SLC24A3: variants seen among roughly 807,000 people sequenced by gnomAD.
SLC24A3 encodes the protein sodium/potassium/calcium exchanger 3.
In SLC24A3, 28 loss-of-function variants were observed where a neutral mutation model predicts 75.8. The ratio of observed to expected loss-of-function variants is 0.37; its 90% CI spans 0.27 to 0.51. The LOEUF (loss-of-function observed/expected upper bound fraction) is 0.51. SLC24A3 is among the 20% of genes least tolerant of loss of function. The pLI, the probability that SLC24A3 is intolerant of heterozygous loss-of-function variation, is 0.94. For synonymous variants in SLC24A3, 372 were observed against 334.1 expected (o/e 1.11, Z -1.24); for missense variants, 663 against 847.8 (o/e 0.78, Z 2.71).
At chr20:19,224,609 G>C (rs1981827246) in intron 1 of SLC24A3, among the ~76,000 whole-genome samples, 1 of 152,112 alleles carries the variant, frequency 6.6e-6, no homozygotes, top group Non-Finnish European at 1.5e-5. Context: ...TAGCTTATTT[G>C]AGTAGTTTGT....
chr20:19,599,824 C>G (rs2031502508), intron 6 of SLC24A3, among the ~76,000 whole-genome samples: 1 of 152,116 alleles, frequency 6.6e-6, no homozygotes, highest in South Asian at 2.1e-4. Context: ...GTTTGTTCAG[C>G]CCATCCTGTT....
At chr20:19,269,842 C>T (rs748371933) in intron 1 of SLC24A3, among the ~76,000 whole-genome samples, 3 of 152,134 alleles carry the variant, frequency 2.0e-5, no homozygotes, top group Non-Finnish European at 4.4e-5. Context: ...ATAGTTGAGA[C>T]CCAGCAGGCT....
chr20:19,408,113 A>G (rs1986681071), intron 2 of SLC24A3, among the ~76,000 whole-genome samples: 2 of 152,316 alleles, frequency 1.3e-5, no homozygotes, highest in African/African-American at 2.4e-5. Flanking sequence ...ATGCCTTTGA[A>G]CTCAGAAACT....
chr20:19,268,153 A>T (rs1475704670), intron 1 of SLC24A3, among the ~76,000 whole-genome samples: 1 of 152,200 alleles, frequency 6.6e-6, no homozygotes, highest in East Asian at 1.9e-4. Flanking sequence ...GTGAGCTAGG[A>T]AGGGCACCAG....
At chr20:19,548,169 G>A (rs1326740647) in intron 3 of SLC24A3, among the ~76,000 whole-genome samples, 3 of 152,144 alleles carry the variant, frequency 2.0e-5, no homozygotes, top group African/African-American at 7.2e-5. Flanking sequence ...CTCTTACTGG[G>A]CCAGCATCTG....
In SLC24A3 at chr20:19,671,292, A is replaced by G. The variant is rs117759310; in HGVS notation, c.714-2309A>G. Among the ~76,000 whole-genome samples, 126 of 152,360 alleles carry G rather than the reference A, an allele frequency of 8.3e-4. 2 individuals are homozygous for G. In the East Asian group the frequency reaches 0.023, roughly 28 times the overall value. On this transcript the variant is annotated intron_variant, in intron 8 of 16. Coordinates refer to ENST00000328041, the MANE Select transcript of SLC24A3 (RefSeq NM_020689.4). ...GAAAGGCCATTGAGGTGGGGCACAG[A>G]TAGGACACAAGACAACATGGAGACA...
chr20:19,228,065 G>A (rs1398804144), intron 1 of SLC24A3, among the ~76,000 whole-genome samples: 1 of 151,994 alleles, frequency 6.6e-6, no homozygotes, highest in Non-Finnish European at 1.5e-5. Flanking sequence ...AGGTTACTCT[G>A]GTATTTATTA....
intron 1 of SLC24A3, among the ~76,000 whole-genome samples, chr20:19,256,338 A>G (rs1982813611): frequency 6.6e-6 from 1 of 152,194 alleles, no homozygotes; most frequent in South Asian, 2.1e-4. Flanking sequence ...CAAGAGGGTA[A>G]CAGGGAGTGG....
chr20:19,662,621 C>A (rs1052745775), intron 7 of SLC24A3, among the ~76,000 whole-genome samples: 1 of 152,220 alleles, frequency 6.6e-6, no homozygotes, highest in Non-Finnish European at 1.5e-5. Context: ...GCAACTTGTT[C>A]TAGTCTAGAA....
chr20:19,712,517 A>G (rs2033002769), intron 15 of SLC24A3, among the ~76,000 whole-genome samples: 1 of 152,088 alleles, frequency 6.6e-6, no homozygotes, highest in African/African-American at 2.4e-5. Context: ...CCACCTAGCT[A>G]GACCGAAAGT....
At chr20:19,588,385 T>C (rs1314872373) in intron 6 of SLC24A3, among the ~76,000 whole-genome samples, 1 of 152,158 alleles carries the variant, frequency 6.6e-6, no homozygotes, top group African/African-American at 2.4e-5. Flanking sequence ...GCATGGAGGG[T>C]TGCACATGAC....
At chr20:19,221,433 C>T (rs1347518296) in intron 1 of SLC24A3, among the ~76,000 whole-genome samples, 1 of 152,174 alleles carries the variant, frequency 6.6e-6, no homozygotes, top group African/African-American at 2.4e-5. Context: ...CTCCCTGGAA[C>T]CCAGGTATGC....
intron 2 of SLC24A3, among the ~76,000 whole-genome samples, chr20:19,436,227 G>A (rs1987199735): frequency 6.6e-6 from 1 of 152,062 alleles, no homozygotes; most frequent in African/African-American, 2.4e-5. Context: ...AGCCACTAAT[G>A]GAACTTCTAA....
At chr20:19,599,903 A>C (rs2031503406) in intron 6 of SLC24A3, among the ~76,000 whole-genome samples, 1 of 152,142 alleles carries the variant, frequency 6.6e-6, no homozygotes, top group South Asian at 2.1e-4. Context: ...TTGAGAGGGG[A>C]ACAGCCAGGA....
chr20:19,360,242 C>T (rs757705799), intron 2 of SLC24A3, among the ~76,000 whole-genome samples: 8 of 152,336 alleles, frequency 5.3e-5, no homozygotes, highest in South Asian at 2.1e-4. Context: ...AAGGTCTTAA[C>T]ATCTCAACAT....
At chr20:19,225,974 A>G (rs1424509142) in intron 1 of SLC24A3, among the ~76,000 whole-genome samples, 1 of 152,204 alleles carries the variant, frequency 6.6e-6, no homozygotes, top group Non-Finnish European at 1.5e-5. Context: ...TTGAGTTTGA[A>G]TGGACATCCT....
chr20:19,535,566 T>C (rs2030380323), intron 3 of SLC24A3, among the ~76,000 whole-genome samples: 1 of 152,202 alleles, frequency 6.6e-6, no homozygotes. Context: ...GTCAAAGCAA[T>C]TCAAAAGGCC....
At position 19,721,287 on chromosome 20, in the gene SLC24A3, G is replaced by A. The variant is rs115365219; in HGVS notation, c.*147G>A. 5.1e-4 allele frequency: 527 copies of A among 1,033,166 alleles called. 2 individuals are homozygous for A. The African/African-American group carries it at 7.4e-3, about 15-fold the overall frequency. 64.0% of individuals were successfully genotyped at this position (1,033,166 alleles called of 1,614,324 possible). A position where few individuals can be genotyped will look rare whatever the true frequency, so the allele number is the denominator to read the frequency against. On this transcript the variant is annotated 3_prime_UTR_variant, in exon 17 of 17. Coordinates refer to ENST00000328041, the MANE Select transcript of SLC24A3 (RefSeq NM_020689.4). ...CCTCCGCTCCTGTTTTGGTGGCCCA[G>A]GCTCTCCCCTGACCCATCCTCGCTC... is the stretch of plus-strand genomic sequence containing the variant.
intron 2 of SLC24A3, among the ~76,000 whole-genome samples, chr20:19,416,513 C>A (rs968777490): frequency 6.6e-6 from 1 of 152,192 alleles, no homozygotes; most frequent in African/African-American, 2.4e-5. Flanking sequence ...GTCCTTCTCC[C>A]TCACAGACAA....
Sources: gnomAD v4.1 joint callset for allele counts (sites outside exome capture counted in the v4.1 genomes callset) on GRCh38, gnomAD v4.1.1 for gene constraint, MANE v1.5 for transcripts, NCBI Gene and HGNC (gene_info 2026-07-23, HGNC 2026-07-21) for gene names.